The following VRK2 variants were observed in gnomAD, a reference collection of about 807,000 sequenced individuals.
VRK2 encodes serine/threonine-protein kinase VRK2.
A neutral mutation model predicts 57.6 loss-of-function variants in VRK2; 60 were observed. That is an observed-to-expected ratio of 1.04 (90% CI 0.85 to 1.29). The LOEUF (loss-of-function observed/expected upper bound fraction) is 1.29, where lower values mean the gene tolerates loss of function less well. Among genes scored for constraint, VRK2 ranks in the 50% most tolerant of loss-of-function variants. The probability of loss-of-function intolerance (pLI) is 0.00; values close to 1 mark genes in which losing one functional copy is unlikely to be tolerated. For missense variants in VRK2, 705 were observed against 588.1 expected (o/e 1.20, Z -2.06); for synonymous variants, 231 against 199.2 (o/e 1.16, Z -1.35).
intron 12 of VRK2, among the ~76,000 whole-genome samples, chr2:58,156,522 A>G (rs1264653325): frequency 6.6e-6 from 1 of 152,172 alleles, no homozygotes; most frequent in African/African-American, 2.4e-5. Flanking sequence ...AGGCAGCTAA[A>G]TAACTATTTT....
At chr2:58,131,738 A>C in intron 8 of VRK2, 70 bp from the exon 9 acceptor site, 1 of 1,485,742 alleles carries the variant, frequency 6.7e-7, no homozygotes. Flanking sequence ...TAGTAGTTCA[A>C]CCAAAGATTT....
intron 2 of VRK2, among the ~76,000 whole-genome samples, chr2:58,060,004 G>C (rs551963997): frequency 6.6e-6 from 1 of 151,708 alleles, no homozygotes; most frequent in Admixed American, 6.6e-5. Context: ...ATGTATTACA[G>C]TTCTATCTTA....
chr2:57,908,523 A>C (rs1312175264), intron 1 of VRK2, among the ~76,000 whole-genome samples: 1 of 152,172 alleles, frequency 6.6e-6, no homozygotes, highest in African/African-American at 2.4e-5. Context: ...AAACATTAAA[A>C]AAAAAACTTG....
intron 7 of VRK2, among the ~76,000 whole-genome samples, chr2:58,114,007 T>A (rs1676026527): frequency 1.3e-5 from 2 of 152,092 alleles, no homozygotes; most frequent in African/African-American, 4.8e-5. Flanking sequence ...TGTGGGAACC[T>A]AGAGTGGGAG....
intron 1 of VRK2, among the ~76,000 whole-genome samples, chr2:57,946,789 T>C (rs778984193): frequency 6.6e-6 from 1 of 152,178 alleles, no homozygotes; most frequent in African/African-American, 2.4e-5. Context: ...GGATGTTTGC[T>C]AGCTTACTAC....
chr2:58,045,549 TG>T (rs1438198521), upstream of VRK2, among the ~76,000 whole-genome samples: 1 of 152,354 alleles, frequency 6.6e-6, no homozygotes, highest in East Asian at 1.9e-4. Context: ...AGGACACTGT[TG>T]GACCAGTGAA....
At chr2:58,112,832 G>A (rs1675776707) in intron 7 of VRK2, among the ~76,000 whole-genome samples, 1 of 152,152 alleles carries the variant, frequency 6.6e-6, no homozygotes, top group African/African-American at 2.4e-5. Flanking sequence ...GAAGCTGAAG[G>A]GTGGAACTTC....
At chr2:57,962,517 C>T (rs142910629) in intron 1 of VRK2, among the ~76,000 whole-genome samples, 13 of 152,164 alleles carry the variant, frequency 8.5e-5, no homozygotes, top group Middle Eastern at 3.4e-3. Context: ...TAATTAGTCA[C>T]CTAGGTAATA....
At chr2:58,046,999 G>A in intron 1 of VRK2, 131 bp downstream of exon 1, 1 of 983,692 alleles carries the variant, frequency 1.0e-6, no homozygotes, top group Non-Finnish European at 1.2e-6. Context: ...CCCAGCCCCC[G>A]GGCCTCAGCT....
intron 1 of VRK2, among the ~76,000 whole-genome samples, chr2:57,932,338 T>G (rs2717019): frequency 0.7 from 105,678 of 151,940 alleles, 38,239 homozygotes; most frequent in African/African-American, 0.92. Flanking sequence ...GCTCTCATTT[T>G]TCCGGAGATT....
chr2:58,026,550 AT>A (rs1673933277), intron 2 of VRK2, among the ~76,000 whole-genome samples: 2 of 152,152 alleles, frequency 1.3e-5, no homozygotes, highest in Non-Finnish European at 2.9e-5. Flanking sequence ...CACGTGTAGC[AT>A]TTTAAAAGAG....
chr2:58,035,454 A>G lies in VRK2; in HGVS notation c.-6+1901A>G, dbSNP rs535024841. Among the ~76,000 whole-genome samples, 4 of 152,106 alleles carry G rather than the reference A, an allele frequency of 2.6e-5. No individual in the cohort carries two copies. The East Asian group carries it at 7.7e-4, about 29-fold the overall frequency. ...AAGTATTATGTACATTAAAAACTCAAGAGTATCTATGTAGCATGAATTATT... is the reference window on the plus strand; with the variant it reads ...AAGTATTATGTACATTAAAAACTCAGGAGTATCTATGTAGCATGAATTATT... On this transcript the variant is annotated intron_variant, in intron 3 of 15. Transcript: ENST00000417641.
intron 1 of VRK2, among the ~76,000 whole-genome samples, chr2:57,944,305 A>C (rs1304742297): frequency 3.3e-5 from 5 of 152,192 alleles, no homozygotes; most frequent in Non-Finnish European, 1.5e-5. Context: ...ACAATAATTA[A>C]TTTTGTGTGT....
chr2:57,911,857 C>T (rs1335127185), intron 1 of VRK2, among the ~76,000 whole-genome samples: 2 of 152,134 alleles, frequency 1.3e-5, no homozygotes, highest in Non-Finnish European at 2.9e-5. Flanking sequence ...CCTAGCAAAA[C>T]AGCAGGGCTT....
chr2:58,140,655 G>A (rs1389022436), intron 11 of VRK2, among the ~76,000 whole-genome samples: 1 of 151,992 alleles, frequency 6.6e-6, no homozygotes, highest in East Asian at 1.9e-4. Flanking sequence ...TGACTGATAG[G>A]CTGCTAGATG....
Position 58,136,872 on chromosome 2 carries a change from ATATAT to A in VRK2, c.856+1679_856+1683del, listed in dbSNP as rs1198685438. 4.3e-3 allele frequency among the ~76,000 whole-genome samples: 222 copies of A among 51,578 alleles called. 1 individual carries two copies. The African/African-American group carries it at 0.052, about 12-fold the overall frequency. The allele number at this position is 51,578 out of a possible 152,430, so 33.8% of individuals were successfully genotyped here. A position where few individuals can be genotyped will look rare whatever the true frequency, so the allele number is the denominator to read the frequency against. On this transcript the variant is annotated intron_variant, in intron 10 of 12. Transcript: ENST00000340157. ...TATCATATATATGTGTATATATATC[ATATAT>A]TATATCATATATATGTGTATATATA...
At chr2:57,932,481 G>A (rs952383135) in intron 1 of VRK2, among the ~76,000 whole-genome samples, 2 of 151,976 alleles carry the variant, frequency 1.3e-5, no homozygotes, top group Non-Finnish European at 2.9e-5. Context: ...CAATTTCATT[G>A]CCATATAATC....
intron 7 of VRK2, among the ~76,000 whole-genome samples, chr2:58,110,669 C>A (rs187696021): frequency 6.6e-6 from 1 of 152,252 alleles, no homozygotes; most frequent in African/African-American, 2.4e-5. Context: ...GGCAGGAAAT[C>A]TAATGCCCAT....
chr2:58,046,688 C>T (rs1221911931), upstream of VRK2: 2 of 985,446 alleles, frequency 2.0e-6, no homozygotes, highest in African/African-American at 3.5e-5. Flanking sequence ...TGTGAGGCTC[C>T]GCGGGCCGCT....
Sources: gnomAD v4.1 joint callset for allele counts (sites outside exome capture counted in the v4.1 genomes callset) on GRCh38, gnomAD v4.1.1 for gene constraint, MANE v1.5 for transcripts, NCBI Gene and HGNC (gene_info 2026-07-23, HGNC 2026-07-21) for gene names.